Variants in RAD51B observed in about 807,000 individuals in gnomAD.
The protein encoded by RAD51B is DNA repair protein RAD51 homolog 2.
Under a neutral mutation model 42.2 loss-of-function variants are expected in RAD51B, and 38 were observed. That is an observed-to-expected ratio of 0.90 (90% CI 0.70 to 1.18). The LOEUF is 1.18. RAD51B is among the 50% of genes most tolerant of loss of function. RAD51B has a pLI of 0.00. For missense variants in RAD51B, 373 were observed against 400.7 expected, an observed-to-expected ratio of 0.93 and a Z score of 0.59; for synonymous variants, 154 against 145.2, an observed-to-expected ratio of 1.06 and a Z score of -0.43.
chr14:68,580,618 T>G (rs952505920), intron 10 of RAD51B, among the ~76,000 whole-genome samples: 1 of 152,164 alleles, frequency 6.6e-6, no homozygotes, highest in Non-Finnish European at 1.5e-5. Flanking sequence ...GATTTTGTTC[T>G]TAGCTGTAGC....
chr14:68,465,955 TAAATAAA>T (rs1566900109), intron 9 of RAD51B, among the ~76,000 whole-genome samples: 10 of 34,700 alleles, frequency 2.9e-4, no homozygotes, highest in Non-Finnish European at 6.5e-4. Flanking sequence ...AAAAAAAAAA[TAAATAAA>T]TAAATAAATA....
At chr14:67,979,484 C>A (rs540121511) in intron 7 of RAD51B, among the ~76,000 whole-genome samples, 1 of 152,244 alleles carries the variant, frequency 6.6e-6, no homozygotes, top group South Asian at 2.1e-4. Context: ...ATTAGTCATT[C>A]TCCCTTTTAA....
chr14:67,872,775 A>T (rs1174221304), intron 5 of RAD51B, among the ~76,000 whole-genome samples: 1 of 150,954 alleles, frequency 6.6e-6, no homozygotes, highest in Admixed American at 6.6e-5. Context: ...AGCCCTCAGA[A>T]ATAATGCCGC....
At chr14:67,959,697 T>G (rs1014658888) in intron 7 of RAD51B, among the ~76,000 whole-genome samples, 1 of 152,232 alleles carries the variant, frequency 6.6e-6, no homozygotes, top group Non-Finnish European at 1.5e-5. Flanking sequence ...CATATCTATA[T>G]TTTGACAATG....
intron 10 of RAD51B, among the ~76,000 whole-genome samples, chr14:68,515,757 T>C (rs1376843123): frequency 6.8e-6 from 1 of 146,114 alleles, no homozygotes; most frequent in South Asian, 2.2e-4. Flanking sequence ...AATTTCTTTC[T>C]TTCTTTCTTT....
At chr14:68,234,529 G>A (rs966443194) in intron 7 of RAD51B, among the ~76,000 whole-genome samples, 1 of 152,182 alleles carries the variant, frequency 6.6e-6, no homozygotes, top group Non-Finnish European at 1.5e-5. Flanking sequence ...GGATGGTACA[G>A]CCTGTTATTC....
intron 8 of RAD51B, among the ~76,000 whole-genome samples, chr14:68,365,581 C>T (rs2083125774): frequency 1.3e-5 from 2 of 152,338 alleles, no homozygotes; most frequent in Admixed American, 6.5e-5. Flanking sequence ...TTAAAACCTA[C>T]ATCTTGTAGT....
At chr14:68,410,632 G>C (rs2084391676) in intron 8 of RAD51B, among the ~76,000 whole-genome samples, 1 of 152,162 alleles carries the variant, frequency 6.6e-6, no homozygotes, top group Admixed American at 6.5e-5. Flanking sequence ...CTTGGGATGT[G>C]CTGGACATGA....
intron 8 of RAD51B, among the ~76,000 whole-genome samples, chr14:68,391,757 T>C (rs1282948684): frequency 6.6e-6 from 1 of 152,170 alleles, no homozygotes; most frequent in African/African-American, 2.4e-5. Flanking sequence ...ACTTGTTGAC[T>C]CAGTTCCCAT....
intron 7 of RAD51B, among the ~76,000 whole-genome samples, chr14:68,150,441 A>G (rs949446007): frequency 6.7e-6 from 1 of 149,506 alleles, no homozygotes; most frequent in African/African-American, 2.5e-5. Context: ...CTTCTTATCC[A>G]TGAACATAGA....
Position 67,842,208 on chromosome 14 carries a change from A to G in RAD51B, c.315+7012A>G, listed in dbSNP as rs150583787. ...CTCAGCTGGAATGTTATTGGTGTATAGAAAAGCTACTGATTTTTGTGCATT... is the reference window on the plus strand; with the variant it reads ...CTCAGCTGGAATGTTATTGGTGTATGGAAAAGCTACTGATTTTTGTGCATT... On this transcript the variant is annotated intron_variant, in intron 4 of 10. Coordinates refer to ENST00000471583, the MANE Select transcript of RAD51B (RefSeq NM_133510.4). Among the ~76,000 whole-genome samples the G allele has an allele frequency of 3.2e-4, 48 of 152,308 alleles. No homozygotes were observed. The East Asian group carries it at 9.1e-3, about 29-fold the overall frequency.
chr14:68,133,796 T>G (rs779449281), intron 7 of RAD51B, among the ~76,000 whole-genome samples: 28 of 152,098 alleles, frequency 1.8e-4, no homozygotes, highest in Non-Finnish European at 1.3e-4. Context: ...TTTTTAAGAT[T>G]ATTTTGGCTT....
intron 10 of RAD51B, among the ~76,000 whole-genome samples, chr14:68,619,282 C>T (rs1440723266): frequency 2.0e-5 from 3 of 151,778 alleles, no homozygotes; most frequent in African/African-American, 7.3e-5. Flanking sequence ...AGACCATCCT[C>T]GCTAACACGG....
intron 10 of RAD51B, among the ~76,000 whole-genome samples, chr14:68,627,732 C>G (rs1017888818): frequency 6.6e-6 from 1 of 152,190 alleles, no homozygotes; most frequent in Admixed American, 6.5e-5. Flanking sequence ...CCAACTCACT[C>G]CTAGTCTACC....
intron 3 of RAD51B, among the ~76,000 whole-genome samples, chr14:67,830,465 G>A (rs1004092668): frequency 6.2e-4 from 94 of 152,138 alleles, no homozygotes; most frequent in African/African-American, 2.2e-3. Flanking sequence ...GCAGTGGTGC[G>A]ATCTTGGCTC....
chr14:68,648,112 CGTATATATATATACACACACGT>C (rs1892615480), intron 10 of RAD51B, among the ~76,000 whole-genome samples: 1 of 39,510 alleles, frequency 2.5e-5, no homozygotes, highest in African/African-American at 1.2e-4. Context: ...TATACACACA[CGTATATATATATACACACACGT>C]ATATATATAT....
At chr14:67,833,013 C>G (rs2041105576) in intron 3 of RAD51B, among the ~76,000 whole-genome samples, 1 of 152,074 alleles carries the variant, frequency 6.6e-6, no homozygotes, top group Admixed American at 6.5e-5. Flanking sequence ...ATGATCAAAA[C>G]CAACAAATGA....
In RAD51B at chr14:67,887,168, C is replaced by T. The variant is rs1267294244; in HGVS notation, c.720C>T (p.Ser240=). 2.5e-6 allele frequency: 4 copies of T among 1,611,536 alleles called. No homozygotes were observed. Among genetic ancestry groups the T allele is most frequent in the Admixed American group, 1.7e-5 (1 of 59,834 alleles). The change falls in exon 7 of 11, where the codon TCC becomes TCT. Residue 240 remains serine, a synonymous_variant. Transcript: ENST00000471583. ...ERNKFLAREA[S]SLKYLAEEFS... Reference sequence around the variant, plus strand: ...ACAAGTTCTTGGCAAGAGAGGCATCCTCCTTGAAGTATTTGGCTGAGGAGT... The same window carrying T: ...ACAAGTTCTTGGCAAGAGAGGCATCTTCCTTGAAGTATTTGGCTGAGGAGT...
intron 8 of RAD51B, among the ~76,000 whole-genome samples, chr14:68,316,510 G>A (rs1313041099): frequency 6.6e-6 from 1 of 152,172 alleles, no homozygotes; most frequent in East Asian, 1.9e-4. Context: ...GAAGAAATGG[G>A]GCCTTTCTGA....
Sources: gnomAD v4.1 joint callset for allele counts (sites outside exome capture counted in the v4.1 genomes callset) on GRCh38, gnomAD v4.1.1 for gene constraint, MANE v1.5 for transcripts, NCBI Gene and HGNC (gene_info 2026-07-23, HGNC 2026-07-21) for gene names.